TRPM1: variants seen among roughly 807,000 people sequenced by gnomAD.
TRPM1 encodes the protein transient receptor potential cation channel subfamily M member 1.
TRPM1 carries 113 observed loss-of-function variants against 149.4 expected under a neutral mutation model. The ratio of observed to expected loss-of-function variants is 0.76; its 90% CI spans 0.65 to 0.88. TRPM1 has a LOEUF of 0.88. TRPM1 is among the 40% of genes least tolerant of loss of function. TRPM1 has a pLI of 0.00. For synonymous variants in TRPM1, 741 were observed against 759.5 expected (o/e 0.98, Z 0.40); for missense variants, 1,976 against 2,038.7 (o/e 0.97, Z 0.59).
Position 31,056,197 on chromosome 15 carries a change from C to T in TRPM1, c.1263+4347G>A, listed in dbSNP as rs118018927. ...TCTGGGAGAAGGGGACCAGCAGTTG[C>T]TTGACTAATAGAAAATCCAGATGAA... is the stretch of plus-strand genomic sequence containing the variant. On this transcript the variant is annotated intron_variant, in intron 11 of 27. Coordinates refer to ENST00000256552, the MANE Select transcript of TRPM1 (RefSeq NM_001252024.2). 2.4e-4 allele frequency among the ~76,000 whole-genome samples: 37 copies of T among 152,198 alleles called. No homozygotes were observed. In the East Asian group the frequency reaches 7.0e-3, roughly 29 times the overall value.
intron 1 of TRPM1, among the ~76,000 whole-genome samples, chr15:31,159,675 AT>A (rs1488617691): frequency 6.6e-6 from 1 of 151,870 alleles, no homozygotes; most frequent in Non-Finnish European, 1.5e-5. Context: ...AGAGCCTTTT[AT>A]TTTTTCTATT....
intron 1 of TRPM1, among the ~76,000 whole-genome samples, chr15:31,140,842 G>C (rs1402747911): frequency 6.6e-6 from 1 of 152,108 alleles, no homozygotes; most frequent in Non-Finnish European, 1.5e-5. Flanking sequence ...TGTTTTTTGA[G>C]ACAGAGTCTT....
chr15:31,130,089 T>C (rs1001826767), intron 1 of TRPM1, among the ~76,000 whole-genome samples: 2 of 152,206 alleles, frequency 1.3e-5, no homozygotes, highest in Non-Finnish European at 2.9e-5. Flanking sequence ...CAGAGCTGCC[T>C]GGGTGGTGTG....
At position 31,038,175 on chromosome 15, in the gene TRPM1, C is replaced by T. The variant is rs372151677; in HGVS notation, c.2317-9G>A. 1.2e-6 allele frequency: 2 copies of T among 1,613,846 alleles called. No individual in the cohort carries two copies. ...AGAATCCCCATGATAACCTACGGAA[C>T]ATAAATTGATTTTTTAAGCTGTGGC... is the stretch of plus-strand genomic sequence containing the variant. On this transcript the variant is annotated splice_polypyrimidine_tract_variant and intron_variant, in intron 18 of 27. Coordinates refer to ENST00000256552, the MANE Select transcript of TRPM1 (RefSeq NM_001252024.2).
At chr15:31,041,120 A>G (rs916124083) in intron 17 of TRPM1, among the ~76,000 whole-genome samples, 3 of 151,870 alleles carry the variant, frequency 2.0e-5, no homozygotes, top group African/African-American at 7.3e-5. Flanking sequence ...CCAGATTCAA[A>G]TATTTGGCAA....
rs751444759 is a variant in TRPM1 at position 31,026,930 on chromosome 15, G to A, written c.3481C>T (p.Arg1161Trp). The A allele has an allele frequency of 6.2e-6, 10 of 1,613,808 alleles. No homozygotes were observed. The highest frequency in any genetic ancestry group is 2.2e-5 in the South Asian group (2 of 91,068). Residue 1161 changes from arginine (R) to tryptophan (W), a missense_variant, in exon 26 of 28, where the codon CGG (arginine) becomes TGG (tryptophan). Around this residue, in one of 3 missense-constraint regions of TRPM1, gnomAD observed 572 missense variants for 578.9 expected, o/e 0.99. Coordinates refer to ENST00000256552, the MANE Select transcript of TRPM1 (RefSeq NM_001252024.2). ...RKKREGDQEE[R>W]DRGLKLFLSD... Reference sequence around the variant, plus strand: ...CTGCACATACTCAATCCACGATCCCGTTCCTCTTGGTCCCCTTCTCTCTTT... The same window carrying A: ...CTGCACATACTCAATCCACGATCCCATTCCTCTTGGTCCCCTTCTCTCTTT...
In TRPM1 at chr15:31,002,359, G is replaced by A. The variant is rs754878031; in HGVS notation, c.4341C>T (p.Pro1447=). ...TTTTACAAGCATTGATCGTTTCATC[G>A]GGGAAATAGCGTGTAATTTTGGTTT... ...LEETKITRYF[P]DETINACKTM... is the part of the protein sequence containing the mutation. Residue 1447 remains proline, a synonymous_variant, in exon 28 of 28, where the codon CCC becomes CCT. Transcript: ENST00000256552. 2.2e-5 allele frequency: 36 copies of A among 1,614,056 alleles called. No homozygotes were observed. The highest frequency in any genetic ancestry group is 6.6e-5 in the South Asian group (6 of 91,088).
chr15:31,120,528 T>C (rs2035861213), intron 1 of TRPM1, among the ~76,000 whole-genome samples: 1 of 152,224 alleles, frequency 6.6e-6, no homozygotes, highest in African/African-American at 2.4e-5. Context: ...TAGTTGCATT[T>C]AACAGTACTA....
At chr15:31,045,667 T>C (rs77853366) in intron 16 of TRPM1, among the ~76,000 whole-genome samples, 7,300 of 152,302 alleles carry the variant, frequency 0.048, 278 homozygotes, top group Non-Finnish European at 0.073. Context: ...CTCTAAGATA[T>C]ACGTGTATTT....
At chr15:31,129,150 C>G (rs143882949) in intron 1 of TRPM1, among the ~76,000 whole-genome samples, 13 of 152,344 alleles carry the variant, frequency 8.5e-5, no homozygotes, top group African/African-American at 3.1e-4. Context: ...AGTGCTGTGT[C>G]ATTTCTCCAC....
At chr15:31,060,915 T>C (rs1223933886) in intron 10 of TRPM1, among the ~76,000 whole-genome samples, 1 of 152,140 alleles carries the variant, frequency 6.6e-6, no homozygotes, top group African/African-American at 2.4e-5. Context: ...ACCCTGGAGA[T>C]GATCTCCAGG....
intron 21 of TRPM1, among the ~76,000 whole-genome samples, chr15:31,033,531 G>A (rs977126634): frequency 2.0e-5 from 3 of 152,330 alleles, no homozygotes; most frequent in African/African-American, 7.2e-5. Context: ...ACAGGCGTGC[G>A]CAGAGCCTTC....
intron 27 of TRPM1, among the ~76,000 whole-genome samples, chr15:31,011,162 A>G (rs1440687453): frequency 3.3e-5 from 5 of 152,158 alleles, no homozygotes; most frequent in African/African-American, 9.7e-5. Flanking sequence ...AAACTTTAAA[A>G]ATCTTTGAAT....
intron 1 of TRPM1, among the ~76,000 whole-genome samples, chr15:31,088,572 C>A (rs1055249592): frequency 3.9e-5 from 6 of 152,220 alleles, no homozygotes; most frequent in African/African-American, 1.4e-4. Context: ...GGCTTCACTG[C>A]TGAAGTGAGC....
upstream of TRPM1, among the ~76,000 whole-genome samples, chr15:31,102,331 T>A (rs1438253743): frequency 6.6e-6 from 1 of 152,216 alleles, no homozygotes; most frequent in Non-Finnish European, 1.5e-5. Context: ...TGTAACAGTA[T>A]GCGTGGTTAT....
intron 1 of TRPM1, among the ~76,000 whole-genome samples, chr15:31,116,771 GAA>G (rs931033657): frequency 3.5e-5 from 5 of 142,640 alleles, no homozygotes; most frequent in African/African-American, 9.2e-5. Context: ...CAGAGAGAGA[GAA>G]AAAAAAGATG....
In TRPM1 at chr15:31,019,018, A is replaced by G. The variant is rs989850120; in HGVS notation, c.3629+7121T>C. 3.0e-4 allele frequency among the ~76,000 whole-genome samples: 45 copies of G among 152,256 alleles called. 1 individual carries two copies. The highest frequency in any genetic ancestry group is 1.0e-3 in the African/African-American group (42 of 41,474). ...AACAGTTGCCCTTCACCTGCAAGGA[A>G]TCTCATAAATTATATGGGAACATTT... On this transcript the variant is annotated intron_variant, in intron 27 of 27. Transcript: ENST00000256552.
intron 1 of TRPM1, among the ~76,000 whole-genome samples, chr15:31,146,098 A>G (rs2036221364): frequency 6.6e-6 from 1 of 152,192 alleles, no homozygotes; most frequent in Non-Finnish European, 1.5e-5. Context: ...ACTCAGTATT[A>G]AACTCCTTAT....
At position 31,002,915 on chromosome 15, in the gene TRPM1, G is replaced by A; in HGVS notation, c.3785C>T (p.Ser1262Phe). The part of the protein sequence containing the change: ...ALENLAGIDR[S>F]DLIQARSRAS... ...CCGGGACCGTGCCTGGATCAGGTCA[G>A]ACCTGTCGATTCCCGCAAGATTTTC... The change falls in exon 28 of 28, where the codon TCT (serine) becomes TTT (phenylalanine). Residue 1262 changes from serine (S) to phenylalanine (F), a missense_variant. This residue lies in a region of TRPM1 where 572 missense variants were observed against 578.9 expected (regional missense o/e 0.99). Coordinates refer to ENST00000256552, the MANE Select transcript of TRPM1 (RefSeq NM_001252024.2). 2 of 1,607,550 alleles carry A rather than the reference G, an allele frequency of 1.2e-6. No homozygotes were observed. Among genetic ancestry groups the A allele is most frequent in the Non-Finnish European group, 1.7e-6 (2 of 1,175,884 alleles).
Sources: allele counts gnomAD v4.1 joint callset (sites outside exome capture counted in the v4.1 genomes callset), GRCh38; gene constraint gnomAD v4.1.1; regional missense constraint gnomAD v4.1.1; transcripts MANE v1.5; gene names NCBI Gene and HGNC (gene_info 2026-07-23, HGNC 2026-07-21).